Variants in SUPT7L observed in about 807,000 individuals in gnomAD.
SUPT7L encodes the protein STAGA complex 65 subunit gamma.
Under a neutral mutation model 35.7 loss-of-function variants are expected in SUPT7L, and 15 were observed. The ratio of observed to expected loss-of-function variants is 0.42; its 90% CI spans 0.28 to 0.65. SUPT7L has a LOEUF of 0.65. Ranked by LOEUF, SUPT7L falls within the 30% of genes least tolerant of loss-of-function variation. The pLI is 0.23. For missense variants in SUPT7L, 434 were observed against 522.2 expected (o/e 0.83, Z 1.65); for synonymous variants, 168 against 186.2 (o/e 0.90, Z 0.79).
At position 27,655,623 on chromosome 2, in the gene SUPT7L, AT is replaced by A. The variant is rs569610930; in HGVS notation, c.745-22del. The stretch of plus-strand genomic sequence containing the variant: ...CTAATCTGTTGGCAAGCAAGAGTCA[AT>A]TTTCCAAGGAAATGTTAAAAGCAAG... On this transcript the variant is annotated intron_variant, in intron 4 of 5. Coordinates refer to ENST00000337768, the MANE Select transcript of SUPT7L (RefSeq NM_014860.3). 305 of 1,543,700 alleles carry A rather than the reference AT, an allele frequency of 2.0e-4. 1 individual carries two copies. In the South Asian group the frequency reaches 3.5e-3, roughly 18 times the overall value.
chr2:27,647,886 A>T, downstream of SUPT7L: 2 of 1,613,880 alleles, frequency 1.2e-6, no homozygotes, highest in Non-Finnish European at 1.7e-6. Flanking sequence ...GACTCGAGGA[A>T]CCTTGGATGA....
rs1642000287 is a variant in SUPT7L, at chr2:27,657,643, A to G, written c.446T>C (p.Leu149Pro). 2 of 1,613,558 alleles carry G rather than the reference A, an allele frequency of 1.2e-6. No individual in the cohort carries two copies. Among genetic ancestry groups the G allele is most frequent in the East Asian group, 2.2e-5 (1 of 44,870 alleles). ...GAGCTGCCGACAGGAGTGCCAGCTGAGTTCAGTCACAGGTTCCCCTTTCCC... is the reference window on the plus strand; with the variant it reads ...GAGCTGCCGACAGGAGTGCCAGCTGGGTTCAGTCACAGGTTCCCCTTTCCC... The part of the protein sequence containing the change: ...YRGKGEPVTE[L>P]SWHSCRQLLY... Residue 149 changes from leucine to proline, a missense_variant, in exon 4 of 6, where the codon CTC (leucine) becomes CCC (proline). Coordinates refer to ENST00000337768, the MANE Select transcript of SUPT7L (RefSeq NM_014860.3). The surrounding 1 kb of genome is among the most constrained non-coding windows in gnomAD (Gnocchi z 5.2).
At chr2:27,649,876 ATACC>A (rs1359959711), downstream of SUPT7L, among the ~76,000 whole-genome samples, 1 of 152,210 alleles carries the variant, frequency 6.6e-6, no homozygotes, top group East Asian at 1.9e-4. Context: ...TTGGTTAAAA[ATACC>A]TACAAGTGGG....
intron 2 of SUPT7L, chr2:27,661,936 G>A (rs1393302707): frequency 3.5e-6 from 2 of 571,690 alleles, no homozygotes; most frequent in Non-Finnish European, 6.1e-6. Context: ...AAAAATTTAT[G>A]AACCATTAAT....
At position 27,661,432 on chromosome 2, in the gene SUPT7L, G is replaced by A. The variant is rs764987395; in HGVS notation, c.15-44C>T. 3.1e-6 allele frequency: 5 copies of A among 1,608,782 alleles called. No homozygotes were observed. In the African/African-American group the frequency reaches 5.4e-5, roughly 17 times the overall value. ...GAAGAGAAGAGGTCTCAGGATAAAT[G>A]TAGACAATAACCTAAAAGTAATGTG... On this transcript the variant is annotated intron_variant, in intron 2 of 5. Transcript: ENST00000337768.
Position 27,661,422 on chromosome 2 carries a change from C to T in SUPT7L, c.15-34G>A, listed in dbSNP as rs959152309. ...TTTGGAATAAGAAGAGAAGAGGTCT[C>T]AGGATAAATGTAGACAATAACCTAA... is the stretch of plus-strand genomic sequence containing the variant. On this transcript the variant is annotated intron_variant, in intron 2 of 5. Coordinates refer to ENST00000337768, the MANE Select transcript of SUPT7L (RefSeq NM_014860.3). 3.4e-5 allele frequency: 54 copies of T among 1,611,618 alleles called. No homozygotes were observed. In the Admixed American group the frequency reaches 6.7e-4, roughly 20 times the overall value.
chr2:27,655,169 T>G (rs1046755694), intron 5 of SUPT7L, among the ~76,000 whole-genome samples, 196 bp downstream of exon 5: 2 of 152,264 alleles, frequency 1.3e-5, no homozygotes, highest in South Asian at 2.1e-4. Flanking sequence ...AAAGCTGTGC[T>G]AATCCTCTCT....
Position 27,662,393 on chromosome 2 carries a change from G to A in SUPT7L, c.-89-112C>T, listed in dbSNP as rs1488526289. On this transcript the variant is annotated intron_variant, in intron 1 of 5. Transcript: ENST00000337768. ...TGGAAGCACAAAGGAGGAGCTTCCT[G>A]GGTGAAATGACTACCTTTGTTCTAA... is the stretch of plus-strand genomic sequence containing the variant. 5.4e-6 allele frequency: 3 copies of A among 555,690 alleles called. No individual in the cohort carries two copies. The Admixed American group carries it at 9.3e-5, about 17-fold the overall frequency. The allele number at this position is 555,690 out of a possible 1,614,324, so 34.4% of individuals were successfully genotyped here. A position where few individuals can be genotyped will look rare whatever the true frequency, so the allele number is the denominator to read the frequency against.
chr2:27,647,759 T>A (rs1572965814), downstream of SUPT7L: 2 of 827,444 alleles, frequency 2.4e-6, no homozygotes, highest in East Asian at 5.1e-5. Context: ...ATCCTGCCAG[T>A]TTATGATCAT....
At chr2:27,646,200 C>T (rs1265415127), downstream of SUPT7L, among the ~76,000 whole-genome samples, 3 of 152,076 alleles carry the variant, frequency 2.0e-5, no homozygotes, top group Non-Finnish European at 2.9e-5. Context: ...TGCCACCACG[C>T]CCAGCTAATT....
chr2:27,653,692 A>G lies in SUPT7L; in HGVS notation c.1038T>C (p.Pro346=), dbSNP rs756138076. 2.5e-6 allele frequency: 4 copies of G among 1,614,194 alleles called. No homozygotes were observed. The South Asian group carries it at 4.4e-5, about 18-fold the overall frequency. The change falls in exon 6 of 6, where the codon CCT becomes CCC. Residue 346 remains proline (P), a synonymous_variant. Coordinates refer to ENST00000337768, the MANE Select transcript of SUPT7L (RefSeq NM_014860.3). ...AGACATTGCCTTCTTCACTTTCTTG[A>G]GGCTCCATTTTCACATGGGCCAGAT... ...LWNLAHVKME[P]QESEEGNVSG...
At chr2:27,656,761 T>C (rs1413905259) in intron 4 of SUPT7L, among the ~76,000 whole-genome samples, 1 of 152,092 alleles carries the variant, frequency 6.6e-6, no homozygotes, top group Non-Finnish European at 1.5e-5. Flanking sequence ...CACTCCCAAG[T>C]AGCTGAGACC....
At chr2:27,650,150 A>G, downstream of SUPT7L, 1 of 1,608,262 alleles carries the variant, frequency 6.2e-7, no homozygotes, top group East Asian at 2.2e-5. Context: ...AGCATTCCAG[A>G]ATTTTATGCA....
chr2:27,655,177 T>G (rs72852184), intron 5 of SUPT7L, among the ~76,000 whole-genome samples, 188 bp downstream of exon 5: 1 of 152,338 alleles, frequency 6.6e-6, no homozygotes, highest in African/African-American at 2.4e-5. Context: ...GCTAATCCTC[T>G]CTTCACTAAT....
intron 5 of SUPT7L, among the ~76,000 whole-genome samples, chr2:27,653,989 C>A (rs76458735): frequency 6.6e-6 from 1 of 152,146 alleles, no homozygotes; most frequent in Non-Finnish European, 1.5e-5. Flanking sequence ...CTCTACCTCA[C>A]CCACCCCCAT....
the SUPT7L span, among the ~76,000 whole-genome samples, chr2:27,643,341 T>A: frequency 6.6e-6 from 1 of 151,872 alleles, no homozygotes; most frequent in Non-Finnish European, 1.5e-5. The surrounding 1 kb of genome is among the most constrained non-coding windows in gnomAD (Gnocchi z 4.0). Flanking sequence ...TATATATGAC[T>A]TTATATGTTA....
chr2:27,653,434 C>A lies in SUPT7L; in HGVS notation c.*51G>T, dbSNP rs1258832464. ...AGGAAACAGATTCTAATACAAAAAC[C>A]TTTTCTGTTGGGTCTAGTAGGTCTG... On this transcript the variant is annotated 3_prime_UTR_variant, in exon 6 of 6. Coordinates refer to ENST00000337768, the MANE Select transcript of SUPT7L (RefSeq NM_014860.3). The A allele has an allele frequency of 1.3e-6, 2 of 1,560,236 alleles. No individual in the cohort carries two copies. The highest frequency in any genetic ancestry group is 2.7e-5 in the African/African-American group (2 of 72,932).
the SUPT7L span, among the ~76,000 whole-genome samples, chr2:27,643,967 T>C: frequency 6.6e-6 from 1 of 152,164 alleles, no homozygotes; most frequent in Non-Finnish European, 1.5e-5. This position sits in a 1 kb window ranked among gnomAD's most constrained non-coding sequence, Gnocchi z 4.0. Flanking sequence ...TCACTTGAGG[T>C]CAGGAATTCG....
intron 4 of SUPT7L, among the ~76,000 whole-genome samples, chr2:27,656,637 CTTT>C (rs113039227): frequency 4.9e-5 from 7 of 143,120 alleles, no homozygotes; most frequent in Non-Finnish European, 9.2e-5. Flanking sequence ...TCTGTGTTCT[CTTT>C]TTTTTTTTTT....
Sources: allele counts gnomAD v4.1 joint callset (sites outside exome capture counted in the v4.1 genomes callset), GRCh38; gene constraint gnomAD v4.1.1; non-coding constraint Gnocchi (gnomAD v3.1); transcripts MANE v1.5; gene names NCBI Gene and HGNC (gene_info 2026-07-23, HGNC 2026-07-21).